The following THRB variants were observed in gnomAD, a reference collection of about 807,000 sequenced individuals.
The protein encoded by THRB is thyroid hormone receptor beta.
A neutral mutation model predicts 47.8 loss-of-function variants in THRB; 12 were observed. The ratio of observed to expected loss-of-function variants is 0.25; its 90% CI spans 0.16 to 0.41. The LOEUF (loss-of-function observed/expected upper bound fraction) is 0.41. THRB is among the 10% of genes least tolerant of loss of function. The probability of loss-of-function intolerance (pLI) is 1.00; values close to 1 mark genes in which losing one functional copy is unlikely to be tolerated. For synonymous variants in THRB, 218 were observed against 212.2 expected, an observed-to-expected ratio of 1.03 and a Z score of -0.24; for missense variants, 348 against 589.2, an observed-to-expected ratio of 0.59 and a Z score of 4.24.
chr3:24,295,280 A>T (rs1487324279), intron 3 of THRB, among the ~76,000 whole-genome samples: 1 of 152,202 alleles, frequency 6.6e-6, no homozygotes, highest in Non-Finnish European at 1.5e-5. Flanking sequence ...GATAGCCCTA[A>T]CCACATGCAT....
At chr3:24,174,884 T>A (rs2040934532) in intron 5 of THRB, among the ~76,000 whole-genome samples, 1 of 152,216 alleles carries the variant, frequency 6.6e-6, no homozygotes, top group African/African-American at 2.4e-5. Context: ...GTCATAAGAC[T>A]GATAAGTGGT....
At chr3:24,454,431 A>C (rs1299439165) in intron 1 of THRB, among the ~76,000 whole-genome samples, 1 of 152,184 alleles carries the variant, frequency 6.6e-6, no homozygotes, top group Non-Finnish European at 1.5e-5. Flanking sequence ...ATCTAAAATT[A>C]ATAGTGGTGA....
At chr3:24,486,380 C>T (rs1466139739) in intron 1 of THRB, 1 of 152,160 alleles carries the variant, frequency 6.6e-6, no homozygotes, top group Non-Finnish European at 1.5e-5. Flanking sequence ...AATGCTCTAC[C>T]ATGGTGTCTT....
In THRB at chr3:24,374,348, A is replaced by G. The variant is rs76648934; in HGVS notation, c.-260-36977T>C. 3.8e-3 allele frequency among the ~76,000 whole-genome samples: 581 copies of G among 152,288 alleles called. 3 individuals carry two copies. The highest frequency in any genetic ancestry group is 0.014 in the African/African-American group (563 of 41,558). On this transcript the variant is annotated intron_variant, in intron 1 of 10. Coordinates refer to ENST00000646209, the MANE Select transcript of THRB (RefSeq NM_001354712.2). ...GACAAATATTCATCCTGAAGCTACA[A>G]TGCAAAAATACATAGGAAGAGAATA...
At chr3:24,307,493 G>T (rs1400558506) in intron 2 of THRB, among the ~76,000 whole-genome samples, 4 of 151,802 alleles carry the variant, frequency 2.6e-5, no homozygotes, top group Non-Finnish European at 4.4e-5. Flanking sequence ...TTCATAAACA[G>T]CACTTTCAAT....
chr3:24,263,447 C>T (rs146746756), intron 3 of THRB, among the ~76,000 whole-genome samples: 404 of 152,174 alleles, frequency 2.7e-3, no homozygotes, highest in African/African-American at 9.3e-3. Context: ...CTAAAGTCCA[C>T]GCTTTTAAAA....
At chr3:24,139,374 C>T (rs940980206) in intron 8 of THRB, among the ~76,000 whole-genome samples, 20 of 136,972 alleles carry the variant, frequency 1.5e-4, no homozygotes, top group Admixed American at 6.8e-4. Flanking sequence ...TTCTTTCTTT[C>T]TTTTTCTTTT....
At chr3:24,463,714 T>C (rs1436410392) in intron 1 of THRB, among the ~76,000 whole-genome samples, 2 of 152,226 alleles carry the variant, frequency 1.3e-5, no homozygotes, top group African/African-American at 2.4e-5. Flanking sequence ...ATACTTGATT[T>C]GGACTTAGAG....
intron 4 of THRB, 136 bp downstream of exon 4, chr3:24,228,802 C>T: frequency 1.2e-6 from 1 of 802,884 alleles, no homozygotes; most frequent in Non-Finnish European, 2.1e-6. Context: ...GAGGTATTCA[C>T]AGGATTTAAT....
chr3:24,488,207 G>T (rs1261359714), intron 1 of THRB, among the ~76,000 whole-genome samples: 1 of 152,150 alleles, frequency 6.6e-6, no homozygotes, highest in Non-Finnish European at 1.5e-5. Flanking sequence ...TGTCACTCAT[G>T]ACTTTCTTAT....
At chr3:24,156,092 G>A (rs2037787050) in intron 5 of THRB, among the ~76,000 whole-genome samples, 2 of 152,106 alleles carry the variant, frequency 1.3e-5, no homozygotes, top group South Asian at 4.1e-4. Flanking sequence ...GTTGACATTT[G>A]GCAATGTCTG....
chr3:24,380,605 T>C (rs540777050), intron 1 of THRB, among the ~76,000 whole-genome samples: 1 of 152,210 alleles, frequency 6.6e-6, no homozygotes, highest in Non-Finnish European at 1.5e-5. Flanking sequence ...GAATATATCA[T>C]TCTATTCTTT....
intron 2 of THRB, among the ~76,000 whole-genome samples, chr3:24,323,120 C>A (rs2058590563): frequency 6.6e-6 from 1 of 152,052 alleles, no homozygotes. Context: ...TTCCGTTGAG[C>A]TTTAAGTGGC....
At chr3:24,251,390 C>T (rs142206067) in intron 3 of THRB, among the ~76,000 whole-genome samples, 2 of 151,936 alleles carry the variant, frequency 1.3e-5, no homozygotes, top group East Asian at 3.9e-4. Context: ...AAAGATATCC[C>T]AAAGCTGATT....
chr3:24,202,927 G>T (rs1169383595), intron 4 of THRB, among the ~76,000 whole-genome samples: 1 of 152,196 alleles, frequency 6.6e-6, no homozygotes, highest in Non-Finnish European at 1.5e-5. Context: ...AGTAATTTAA[G>T]GGGAAGTGCT....
rs1560010905 is a variant in THRB, at chr3:24,357,368, A to AAAAAAAC, written c.-260-20004_-260-19998dup. On this transcript the variant is annotated intron_variant, in intron 1 of 10. Transcript: ENST00000646209. ...TCCCAAAAAAAAAAAAAAAAAAAAA[A>AAAAAAAC]AAAAAACAAAAAACAAACAAACAAA... is the stretch of plus-strand genomic sequence containing the variant. 5.1e-4 allele frequency among the ~76,000 whole-genome samples: 75 copies of AAAAAAAC among 145,646 alleles called. 1 individual carries two copies. The highest frequency in any genetic ancestry group is 9.3e-4 in the Non-Finnish European group (62 of 66,368).
chr3:24,239,640 ATGGGTAGGTC>A (rs2049273317), intron 3 of THRB, among the ~76,000 whole-genome samples: 2 of 152,092 alleles, frequency 1.3e-5, no homozygotes, highest in Admixed American at 1.3e-4. Context: ...GGGAGCTAGG[ATGGGTAGGTC>A]TGGGTAGGAA....
rs80172343 is a variant in THRB, at chr3:24,202,677, T to C, written c.23-12343A>G. On this transcript the variant is annotated intron_variant, in intron 4 of 10. Coordinates refer to ENST00000646209, the MANE Select transcript of THRB (RefSeq NM_001354712.2). ...TTATGATACTGAGCGTCAATGCCTA[T>C]AGAGGGCCTACTATGTGCCATTTCA... Among the ~76,000 whole-genome samples the C allele has an allele frequency of 3.8e-3, 579 of 152,336 alleles. 1 individual carries two copies. Among genetic ancestry groups the C allele is most frequent in the African/African-American group, 0.013 (553 of 41,570 alleles).
At chr3:24,491,978 C>G (rs571875359) in intron 1 of THRB, among the ~76,000 whole-genome samples, 7 of 152,246 alleles carry the variant, frequency 4.6e-5, no homozygotes, top group South Asian at 2.1e-4. Flanking sequence ...GGAAGACCAG[C>G]TTTTATTTCG....
Sources: allele counts gnomAD v4.1 joint callset (sites outside exome capture counted in the v4.1 genomes callset), GRCh38; gene constraint gnomAD v4.1.1; transcripts MANE v1.5; gene names NCBI Gene and HGNC (gene_info 2026-07-23, HGNC 2026-07-21).